Variants in NAALADL2 observed in about 807,000 individuals in gnomAD.
NAALADL2 encodes the protein N-acetylated alpha-linked acidic dipeptidase like 2.
Under a neutral mutation model 87.2 loss-of-function variants are expected in NAALADL2, and 76 were observed. That is an observed-to-expected ratio of 0.87 (90% CI 0.72 to 1.05). NAALADL2 has a LOEUF of 1.05. Among genes scored for constraint, NAALADL2 ranks in the 50% least tolerant of loss-of-function variants. The pLI is 0.00. For missense variants in NAALADL2, 1,089 were observed against 945.8 expected, an observed-to-expected ratio of 1.15 and a Z score of -1.99; for synonymous variants, 354 against 331.0, an observed-to-expected ratio of 1.07 and a Z score of -0.75.
At chr3:174,910,129 G>A (rs1676960016) in intron 1 of NAALADL2, among the ~76,000 whole-genome samples, 2 of 151,516 alleles carry the variant, frequency 1.3e-5, no homozygotes, top group Admixed American at 1.3e-4. Context: ...TTTAGAGATT[G>A]GCTTTAAGAA....
chr3:174,659,383 A>T (rs146219070), intron 2 of NAALADL2, among the ~76,000 whole-genome samples: 8 of 152,342 alleles, frequency 5.3e-5, no homozygotes, highest in African/African-American at 1.9e-4. Context: ...CAATTTGAGA[A>T]CTAGTTCATA....
At chr3:175,135,219 C>T (rs1350837428) in intron 2 of NAALADL2, among the ~76,000 whole-genome samples, 2 of 152,016 alleles carry the variant, frequency 1.3e-5, no homozygotes, top group African/African-American at 2.4e-5. Context: ...AGTTAATTCT[C>T]GGTTAATGTG....
At chr3:175,005,159 T>G (rs1240928245) in intron 1 of NAALADL2, among the ~76,000 whole-genome samples, 1 of 152,230 alleles carries the variant, frequency 6.6e-6, no homozygotes, top group Admixed American at 6.5e-5. Context: ...ATTTACATTT[T>G]AAATCATTTA....
chr3:174,502,585 G>A (rs1431017560), intron 1 of NAALADL2, among the ~76,000 whole-genome samples: 1 of 151,984 alleles, frequency 6.6e-6, no homozygotes, highest in African/African-American at 2.4e-5. Flanking sequence ...GAATATTTAT[G>A]TATTATTCAG....
Position 175,013,293 on chromosome 3 carries a change from A to ATTTT in NAALADL2, c.44-83496_44-83495insTTTT, listed in dbSNP as rs1317049254. On this transcript the variant is annotated intron_variant, in intron 1 of 13. Coordinates refer to ENST00000454872, the MANE Select transcript of NAALADL2 (RefSeq NM_207015.3). ...TATATATATACATATATATATATAT[A>ATTTT]TATATATATTTTTTTTTTTTTTTGA... Among the ~76,000 whole-genome samples the ATTTT allele has an allele frequency of 3.8e-5, 3 of 79,758 alleles. 1 individual carries two copies. Among genetic ancestry groups the ATTTT allele is most frequent in the African/African-American group, 2.5e-4 (3 of 12,082 alleles). The allele number at this position is 79,758 out of a possible 152,430, so 52.3% of individuals were successfully genotyped here.
chr3:175,710,213 C>CTGTT (rs1740340228), intron 11 of NAALADL2, among the ~76,000 whole-genome samples: 1 of 151,890 alleles, frequency 6.6e-6, no homozygotes, highest in African/African-American at 2.4e-5. Context: ...GATACCATCT[C>CTGTT]TGTTTGCTTA....
At chr3:175,688,339 A>C (rs940661666) in intron 11 of NAALADL2, among the ~76,000 whole-genome samples, 1 of 152,120 alleles carries the variant, frequency 6.6e-6, no homozygotes, top group Non-Finnish European at 1.5e-5. Context: ...TTTGTCTTGA[A>C]AAAGAACAAG....
chr3:174,974,000 C>T (rs1204198863), intron 1 of NAALADL2, among the ~76,000 whole-genome samples: 1 of 152,072 alleles, frequency 6.6e-6, no homozygotes, highest in African/African-American at 2.4e-5. Context: ...AATTGGACCA[C>T]CCAGTGGATT....
At chr3:175,346,339 G>A (rs901233147) in intron 5 of NAALADL2, among the ~76,000 whole-genome samples, 2 of 151,752 alleles carry the variant, frequency 1.3e-5, no homozygotes, top group African/African-American at 4.8e-5. Context: ...AAACACAAAT[G>A]CATGTACAAA....
At chr3:175,049,263 T>A (rs1241875779) in intron 1 of NAALADL2, among the ~76,000 whole-genome samples, 2 of 152,142 alleles carry the variant, frequency 1.3e-5, no homozygotes, top group Non-Finnish European at 2.9e-5. Context: ...GACCAAGGGA[T>A]TATTCACACA....
At chr3:175,802,738 C>CT (rs147807605) in intron 13 of NAALADL2, among the ~76,000 whole-genome samples, 9,935 of 149,094 alleles carry the variant, frequency 0.067, 606 homozygotes, top group Admixed American at 0.18. Flanking sequence ...ATCAAAACTG[C>CT]TTTTTTTTGT....
At chr3:174,604,722 A>AT (rs1578282456) in intron 2 of NAALADL2, among the ~76,000 whole-genome samples, 1 of 139,542 alleles carries the variant, frequency 7.2e-6, no homozygotes, top group Non-Finnish European at 1.6e-5. Context: ...TCTAGTTTTT[A>AT]TTTTTTGTGT....
intron 10 of NAALADL2, among the ~76,000 whole-genome samples, chr3:175,612,498 T>C (rs1420109492): frequency 6.6e-6 from 1 of 152,182 alleles, no homozygotes; most frequent in African/African-American, 2.4e-5. Context: ...GGCTATAATA[T>C]CTTTCTCAGG....
At chr3:175,727,281 A>G (rs1040633980) in intron 11 of NAALADL2, among the ~76,000 whole-genome samples, 3 of 152,134 alleles carry the variant, frequency 2.0e-5, no homozygotes, top group African/African-American at 4.8e-5. Context: ...GCACGCTGAG[A>G]GAAAAGAACT....
At chr3:174,528,826 A>G (rs556095996) in intron 1 of NAALADL2, among the ~76,000 whole-genome samples, 3 of 152,196 alleles carry the variant, frequency 2.0e-5, no homozygotes, top group Non-Finnish European at 4.4e-5. Flanking sequence ...ATTCACTCTC[A>G]TGAGAACAGC....
intron 1 of NAALADL2, among the ~76,000 whole-genome samples, chr3:174,871,157 A>G (rs56282510): frequency 1.3e-5 from 2 of 152,340 alleles, no homozygotes; most frequent in African/African-American, 4.8e-5. Context: ...TACAAAATAC[A>G]TGTTAAAGAG....
At chr3:175,608,063 A>G (rs1724032746) in intron 10 of NAALADL2, among the ~76,000 whole-genome samples, 1 of 151,684 alleles carries the variant, frequency 6.6e-6, no homozygotes, top group African/African-American at 2.4e-5. Flanking sequence ...GAATCCTATC[A>G]TTTGATTCCC....
At chr3:175,174,324 ATTG>A (rs1396333779) in intron 2 of NAALADL2, among the ~76,000 whole-genome samples, 1 of 152,098 alleles carries the variant, frequency 6.6e-6, no homozygotes, top group African/African-American at 2.4e-5. Context: ...ATATGCCAAA[ATTG>A]TTGTTTCAAA....
At chr3:175,107,029 G>C (rs1723282227) in intron 2 of NAALADL2, among the ~76,000 whole-genome samples, 1 of 151,960 alleles carries the variant, frequency 6.6e-6, no homozygotes, top group African/African-American at 2.4e-5. Context: ...AACAGGTGAT[G>C]AACACCCTCA....
Sources: gnomAD v4.1 joint callset for allele counts (sites outside exome capture counted in the v4.1 genomes callset) on GRCh38, gnomAD v4.1.1 for gene constraint, MANE v1.5 for transcripts, NCBI Gene and HGNC (gene_info 2026-07-23, HGNC 2026-07-21) for gene names.